Variants in ECM2 observed in about 807,000 individuals in gnomAD.
ECM2 encodes extracellular matrix protein 2, female organ and adipocyte specific.
Under a neutral mutation model 67.5 loss-of-function variants are expected in ECM2, and 57 were observed. That is an observed-to-expected ratio of 0.84 (90% CI 0.68 to 1.05). The LOEUF is 1.05. Ranked by LOEUF, ECM2 falls within the 50% of genes least tolerant of loss-of-function variation. The pLI, the probability that ECM2 is intolerant of heterozygous loss-of-function variation, is 0.00. For synonymous variants in ECM2, 258 were observed against 294.5 expected (o/e 0.88, Z 1.27); for missense variants, 741 against 822.8 (o/e 0.90, Z 1.22).
At chr9:92,547,818 G>A in the ECM2 span, among the ~76,000 whole-genome samples, 1,732 of 152,230 alleles carry the variant, frequency 0.011, 26 homozygotes, top group African/African-American at 0.038. Flanking sequence ...ATTATATCTC[G>A]AGATAGCTGT....
At chr9:92,525,060 C>A (rs1238054696) in intron 1 of ECM2, among the ~76,000 whole-genome samples, 1 of 152,110 alleles carries the variant, frequency 6.6e-6, no homozygotes, top group Non-Finnish European at 1.5e-5. Flanking sequence ...GCCTGTAATC[C>A]CAGCCCTATA....
At chr9:92,530,849 C>T (rs1275260975) in intron 1 of ECM2, among the ~76,000 whole-genome samples, 3 of 152,140 alleles carry the variant, frequency 2.0e-5, no homozygotes, top group Non-Finnish European at 2.9e-5. Flanking sequence ...TTGTTCCTCT[C>T]CCTGCCTTCT....
the ECM2 span, among the ~76,000 whole-genome samples, chr9:92,551,647 T>C: frequency 1.3e-5 from 2 of 151,958 alleles, no homozygotes; most frequent in African/African-American, 4.8e-5. Context: ...CTGCACCCTA[T>C]TTGTTGTCTT....
upstream of ECM2, among the ~76,000 whole-genome samples, chr9:92,540,008 A>AT (rs1563995131): frequency 2.0e-5 from 3 of 152,140 alleles, no homozygotes; most frequent in Admixed American, 1.3e-4. Context: ...CTGCCACTTT[A>AT]TTTTTTAAAC....
chr9:92,545,285 C>A, the ECM2 span, among the ~76,000 whole-genome samples: 11 of 151,880 alleles, frequency 7.2e-5, no homozygotes. Flanking sequence ...GAGGTACGGG[C>A]GGGAACCAGG....
At chr9:92,496,962 A>G (rs1381971159) in intron 9 of ECM2, among the ~76,000 whole-genome samples, 3 of 152,016 alleles carry the variant, frequency 2.0e-5, no homozygotes, top group Non-Finnish European at 4.4e-5. Flanking sequence ...AAAATCCAGA[A>G]GCTCATTAAC....
the ECM2 span, among the ~76,000 whole-genome samples, chr9:92,545,083 GGCAGCCCTC>G: frequency 8.5e-5 from 13 of 152,308 alleles, no homozygotes; most frequent in South Asian, 2.1e-4. Context: ...ACAGCCTGCT[GGCAGCCCTC>G]GCAGCCCTCG....
intron 9 of ECM2, among the ~76,000 whole-genome samples, chr9:92,497,157 T>C (rs1404428747): frequency 6.6e-6 from 1 of 152,144 alleles, no homozygotes; most frequent in Non-Finnish European, 1.5e-5. Flanking sequence ...AAAATGACAT[T>C]TATACAAACT....
At chr9:92,516,072 T>TCCCCCCCCCCCC (rs76297691) in intron 3 of ECM2, among the ~76,000 whole-genome samples, 3 of 139,786 alleles carry the variant, frequency 2.1e-5, no homozygotes, top group Non-Finnish European at 3.2e-5. Context: ...TACTTTTTTT[T>TCCCCCCCCCCCC]CCCCCCCCCG....
rs191773461 is a variant in ECM2 at position 92,516,102 on chromosome 9, C to G, written c.482-899G>C. On this transcript the variant is annotated intron_variant, in intron 3 of 9. Coordinates refer to ENST00000344604, the MANE Select transcript of ECM2 (RefSeq NM_001393.4). ...CCCCCGAGACGGAGTCTTGCTCTGTCGCCCAGGCTGGAATGCAGTGGCATG... is the reference window on the plus strand; with the variant it reads ...CCCCCGAGACGGAGTCTTGCTCTGTGGCCCAGGCTGGAATGCAGTGGCATG... Among the ~76,000 whole-genome samples the G allele has an allele frequency of 5.1e-3, 768 of 151,014 alleles. 5 individuals are homozygous for G. Among genetic ancestry groups the G allele is most frequent in the Admixed American group, 0.012 (176 of 15,108 alleles).
intron 9 of ECM2, 79 bp from the exon 10 acceptor site, chr9:92,496,562 A>G (rs1846357012): frequency 6.5e-7 from 1 of 1,535,578 alleles, no homozygotes; most frequent in Non-Finnish European, 8.7e-7. Flanking sequence ...ACATTTGTTA[A>G]AAAAATTTTG....
upstream of ECM2, among the ~76,000 whole-genome samples, chr9:92,540,865 T>A (rs926514315): frequency 1.3e-5 from 2 of 151,858 alleles, no homozygotes; most frequent in Non-Finnish European, 2.9e-5. Context: ...GCCTTGCGAG[T>A]GTTTGCTAAA....
chr9:92,557,933 G>A, the ECM2 span, among the ~76,000 whole-genome samples: 1 of 152,248 alleles, frequency 6.6e-6, no homozygotes, highest in Non-Finnish European at 1.5e-5. Context: ...GTGAGCCACC[G>A]CGCCTGGCCT....
At chr9:92,513,284 G>T (rs550511565) in intron 4 of ECM2, among the ~76,000 whole-genome samples, 1 of 152,248 alleles carries the variant, frequency 6.6e-6, no homozygotes, top group African/African-American at 2.4e-5. Flanking sequence ...ATGTCAAAAA[G>T]GAAGGGAGAA....
chr9:92,539,178 A>G (rs73522345), upstream of ECM2: 3 of 152,196 alleles, frequency 2.0e-5, no homozygotes, highest in Admixed American at 6.5e-5. Flanking sequence ...CGGTTGGCCA[A>G]CGTAAGTGGA....
chr9:92,512,133 C>A lies in ECM2; in HGVS notation c.1055-7G>T. On this transcript the variant is annotated splice_region_variant and splice_polypyrimidine_tract_variant and intron_variant, in intron 4 of 9. Coordinates refer to ENST00000344604, the MANE Select transcript of ECM2 (RefSeq NM_001393.4). ...ATGGAGGCGATGGAATTGCCTAGGA[C>A]ACACAGCGGTTATGTTTTAGGCATG... 1 of 1,606,278 alleles carries A rather than the reference C, an allele frequency of 6.2e-7. No individual in the cohort carries two copies. The highest frequency in any genetic ancestry group is 1.1e-5 in the South Asian group (1 of 90,736).
In ECM2 at chr9:92,514,886, G is replaced by A; in HGVS notation, c.799C>T (p.Gln267Ter). The A allele has an allele frequency of 6.2e-7, 1 of 1,613,222 alleles. No homozygotes were observed. Among genetic ancestry groups the A allele is most frequent in the Non-Finnish European group, 8.5e-7 (1 of 1,179,568 alleles). The change falls in exon 4 of 10, where the codon CAA becomes TAA. Residue 267 changes from glutamine to a stop codon, truncating the protein, a stop_gained. Transcript: ENST00000344604. LOFTEE classifies it high-confidence loss of function. ...TCATCCTCCTCCTCCTCCCTTCCTT[G>A]GCGTTGTTGCTGGTGTGCCAGCCTC... Reference protein sequence around the residue: ...ERRLAHQQQRQGREEEEDEEE... With the variant: ...ERRLAHQQQR
chr9:92,497,206 A>C (rs958701751), intron 9 of ECM2, among the ~76,000 whole-genome samples: 1 of 152,262 alleles, frequency 6.6e-6, no homozygotes, highest in African/African-American at 2.4e-5. Context: ...AAGAGTGGAA[A>C]CACATGTCTA....
chr9:92,539,492 G>A (rs761066436), upstream of ECM2, among the ~76,000 whole-genome samples: 1 of 151,966 alleles, frequency 6.6e-6, no homozygotes, highest in East Asian at 1.9e-4. Flanking sequence ...ATTGATTTGC[G>A]TTCAGTTGAT....
Sources: gnomAD v4.1 joint callset for allele counts (sites outside exome capture counted in the v4.1 genomes callset) on GRCh38, gnomAD v4.1.1 for gene constraint, MANE v1.5 for transcripts, NCBI Gene and HGNC (gene_info 2026-07-23, HGNC 2026-07-21) for gene names.